ADAMTSL5: variants seen among roughly 807,000 people sequenced by gnomAD.
ADAMTSL5 encodes ADAMTS-like protein 5.
In ADAMTSL5, 53 loss-of-function variants were observed where a neutral mutation model predicts 51.7. The ratio of observed to expected loss-of-function variants is 1.03; its 90% confidence interval spans 0.82 to 1.29. The LOEUF is 1.29. Ranked by LOEUF, ADAMTSL5 falls within the 50% of genes most tolerant of loss-of-function variation. The pLI, the probability that ADAMTSL5 is intolerant of heterozygous loss-of-function variation, is 0.00. For synonymous variants in ADAMTSL5, 285 were observed against 278.7 expected, an observed-to-expected ratio of 1.02 and a Z score of -0.23; for missense variants, 770 against 676.2, an observed-to-expected ratio of 1.14 and a Z score of -1.54.
In ADAMTSL5 at chr19:1,506,807, C is replaced by G. The variant is rs777151542; in HGVS notation, c.974G>C (p.Arg325Pro). 4.5e-6 allele frequency: 7 copies of G among 1,541,222 alleles called. No homozygotes were observed. Among genetic ancestry groups the G allele is most frequent in the East Asian group, 4.9e-5 (2 of 41,042 alleles). The change falls in exon 10 of 12, where the codon CGG becomes CCG. Residue 325 changes from arginine to proline, a missense_variant. Physicochemically the swap from Arg to Pro is moderately radical, Grantham distance 103 (BLOSUM62 -2). Coordinates refer to ENST00000330475, the MANE Select transcript of ADAMTSL5 (RefSeq NM_213604.3). This position sits in a 1 kb window ranked among gnomAD's most constrained non-coding sequence, Gnocchi z 5.6. ...LGWPLRQPQP[R>P]GVEPQPPAAP... is the part of the protein sequence containing the mutation. ...TGCGGGGGGCTGAGGCTCCACCCCC[C>G]GGGGCTGAGGCTGCCTCAGGGGCCA...
At chr19:1,507,831 T>G (rs1253587839) in intron 7 of ADAMTSL5, among the ~76,000 whole-genome samples, 167 bp downstream of exon 7, 6 of 151,944 alleles carry the variant, frequency 3.9e-5, no homozygotes, top group Admixed American at 3.9e-4. Context: ...TAAAACCCCA[T>G]CTGTCCTGGG....
chr19:1,511,837 C>G, intron 1 of ADAMTSL5: 1 of 322,906 alleles, frequency 3.1e-6, no homozygotes, highest in Non-Finnish European at 6.3e-6. Flanking sequence ...AGCAGGGAGT[C>G]CCCCGGATTG....
At chr19:1,508,160 C>G (rs1427705942) in intron 6 of ADAMTSL5, 51 bp from the exon 7 acceptor site, 7 of 1,482,410 alleles carry the variant, frequency 4.7e-6, no homozygotes, top group Non-Finnish European at 6.1e-6. Flanking sequence ...AGGGGCAGGA[C>G]CTGGGGAAAG....
At position 1,506,558 on chromosome 19, in the gene ADAMTSL5, G is replaced by A. The variant is rs763274815; in HGVS notation, c.1114+32C>T. 15 of 1,603,286 alleles carry A rather than the reference G, an allele frequency of 9.4e-6. No individual in the cohort carries two copies. The Admixed American group carries it at 2.2e-4, about 24-fold the overall frequency. The stretch of plus-strand genomic sequence containing the variant: ...GTCAGGAGGAGGCCAGGTTAGTAGG[G>A]GCTAAGTCAGGGTAGAGGTCGGGGG... On this transcript the variant is annotated intron_variant, in intron 11 of 11. Transcript: ENST00000330475. The surrounding 1 kb of genome is among the most constrained non-coding windows in gnomAD (Gnocchi z 5.6).
intron 6 of ADAMTSL5, 163 bp from the exon 7 acceptor site, chr19:1,508,272 G>C (rs1436442927): frequency 1.7e-6 from 2 of 1,151,820 alleles, no homozygotes; most frequent in East Asian, 2.7e-5. Context: ...TGGCGCCCGG[G>C]AGTGGGTGCC....
rs1913024753 is a variant in ADAMTSL5 at position 1,507,739 on chromosome 19, G to A, written c.602-96C>T. 2.3e-6 allele frequency: 3 copies of A among 1,290,402 alleles called. No homozygotes were observed. The South Asian group carries it at 3.7e-5, about 16-fold the overall frequency. The allele number at this position is 1,290,402 out of a possible 1,614,324, so 79.9% of individuals were successfully genotyped here. Reference sequence around the variant, plus strand: ...TGAGCTACTGCGGGTAAGACAGCTAGCCAGGGTCCTGGGAACCGGAAAACC... The same window carrying A: ...TGAGCTACTGCGGGTAAGACAGCTAACCAGGGTCCTGGGAACCGGAAAACC... On this transcript the variant is annotated intron_variant, in intron 7 of 11. Coordinates refer to ENST00000330475, the MANE Select transcript of ADAMTSL5 (RefSeq NM_213604.3).
chr19:1,505,926 G>C lies in ADAMTSL5; in HGVS notation c.*89C>G. On this transcript the variant is annotated 3_prime_UTR_variant, in exon 12 of 12. Transcript: ENST00000330475. ...GTGGGACGTATTTCAGAGCTGCCTG[G>C]AAGCCAGGGTGAGAGGGGAAATACG... The C allele has an allele frequency of 2.1e-6, 3 of 1,418,528 alleles. No individual in the cohort carries two copies. Among genetic ancestry groups the C allele is most frequent in the Non-Finnish European group, 2.8e-6 (3 of 1,084,034 alleles). 87.9% of individuals were successfully genotyped at this position (1,418,528 alleles called of 1,614,324 possible).
Position 1,507,394 on chromosome 19 carries a change from C to A in ADAMTSL5, c.700G>T (p.Gly234Cys). The A allele has an allele frequency of 6.3e-7, 1 of 1,575,522 alleles. No individual in the cohort carries two copies. Among genetic ancestry groups the A allele is most frequent in the Non-Finnish European group, 8.6e-7 (1 of 1,159,910 alleles). ...CCATTAAGCACGTAGCGCCCATCGC[C>A]CCCCATCAGTGCTGCAAGGGAACAG... ...RSRNHLALMG[G>C]DGRYVLNGHW... Residue 234 changes from glycine (G) to cysteine (C), a missense_variant, in exon 9 of 12, where the codon GGC (glycine) becomes TGC (cysteine). Physicochemically the swap from Gly to Cys is radical, Grantham distance 159. Coordinates refer to ENST00000330475, the MANE Select transcript of ADAMTSL5 (RefSeq NM_213604.3).
At position 1,507,508 on chromosome 19, in the gene ADAMTSL5, C is replaced by G. The variant is rs371781712; in HGVS notation, c.688+49G>C. The stretch of plus-strand genomic sequence containing the variant: ...CTCCCCATCTGTAAACAGGGACAAC[C>G]GCCCCCGGGTGCCCAGCCGGGTGCC... On this transcript the variant is annotated intron_variant, in intron 8 of 11. Transcript: ENST00000330475. 21 of 1,612,274 alleles carry G rather than the reference C, an allele frequency of 1.3e-5. No homozygotes were observed. The East Asian group carries it at 3.3e-4, about 26-fold the overall frequency.
rs747842684 is a variant in ADAMTSL5, at chr19:1,510,139, A to C, written c.361+11T>G. The C allele has an allele frequency of 1.3e-5, 21 of 1,601,114 alleles. No homozygotes were observed. Among genetic ancestry groups the C allele is most frequent in the Non-Finnish European group, 1.7e-5 (20 of 1,172,656 alleles). The stretch of plus-strand genomic sequence containing the variant: ...GGACCAATTCTGACCACAGGAGACC[A>C]GACTACTCACCCCCATGGAAGGGCA... On this transcript the variant is annotated intron_variant, in intron 5 of 11. Transcript: ENST00000330475.
rs780047607 is a variant in ADAMTSL5 at position 1,507,613 on chromosome 19, A to C, written c.632T>G (p.Leu211Arg). The change falls in exon 8 of 12, where the codon CTG becomes CGG. Residue 211 changes from leucine (L) to arginine (R), a missense_variant. Leu to Arg is a moderately radical substitution (Grantham distance 102, BLOSUM62 -2). Transcript: ENST00000330475. ...GATGTGTCTGGCGCCCTCGGGGATC[A>C]GGGTCACGTTCCAGTACCCAGCGAA... ...GAFAGYWNVT[L>R]IPEGARHIRV... is the part of the protein sequence containing the mutation. The C allele has an allele frequency of 8.1e-6, 13 of 1,613,416 alleles. No individual in the cohort carries two copies. Among genetic ancestry groups the C allele is most frequent in the Non-Finnish European group, 1.1e-5 (13 of 1,180,016 alleles).
chr19:1,506,803 C>A lies in ADAMTSL5; in HGVS notation c.978G>T (p.Gly326=), dbSNP rs747344681. The A allele has an allele frequency of 6.5e-7, 1 of 1,539,132 alleles. No homozygotes were observed. Among genetic ancestry groups the A allele is most frequent in the East Asian group, 2.4e-5 (1 of 41,050 alleles). Residue 326 remains glycine, a synonymous_variant, in exon 10 of 12, where the codon GGG becomes GGT. Transcript: ENST00000330475. The surrounding 1 kb of genome is among the most constrained non-coding windows in gnomAD (Gnocchi z 5.6). The part of the protein sequence containing the change: ...GWPLRQPQPR[G]VEPQPPAAPA... Reference sequence around the variant, plus strand: ...GGGCTGCGGGGGGCTGAGGCTCCACCCCCCGGGGCTGAGGCTGCCTCAGGG... The same window carrying A: ...GGGCTGCGGGGGGCTGAGGCTCCACACCCCGGGGCTGAGGCTGCCTCAGGG...
intron 9 of ADAMTSL5, 81 bp from the exon 10 acceptor site, chr19:1,507,009 C>T: frequency 7.0e-7 from 1 of 1,429,428 alleles, no homozygotes; most frequent in Non-Finnish European, 9.4e-7. Context: ...CCCCAGCCTC[C>T]CCACTTTGAT....
chr19:1,511,792 G>A, intron 1 of ADAMTSL5: 1 of 340,098 alleles, frequency 2.9e-6, no homozygotes. Flanking sequence ...GCCCTCAGCT[G>A]CACCCCGGCC....
Position 1,507,413 on chromosome 19 carries a change from G to C in ADAMTSL5, c.689-8C>G. 6.3e-7 allele frequency: 1 copy of C among 1,581,544 alleles called. No homozygotes were observed. The highest frequency in any genetic ancestry group is 8.6e-7 in the Non-Finnish European group (1 of 1,162,456). ...CATCGCCCCCCATCAGTGCTGCAAG[G>C]GAACAGTCAGCCCTCAGGAACCTGT... On this transcript the variant is annotated splice_polypyrimidine_tract_variant and splice_region_variant and intron_variant, in intron 8 of 11. Coordinates refer to ENST00000330475, the MANE Select transcript of ADAMTSL5 (RefSeq NM_213604.3).
chr19:1,505,407 G>T lies in ADAMTSL5; in HGVS notation c.*608C>A, dbSNP rs987193683. The T allele has an allele frequency of 6.6e-6, 1 of 152,166 alleles. No individual in the cohort carries two copies. The highest frequency in any genetic ancestry group is 1.5e-5 in the Non-Finnish European group (1 of 68,092). 9.4% of individuals were successfully genotyped at this position (152,166 alleles called of 1,614,324 possible). A position where few individuals can be genotyped will look rare whatever the true frequency, so the allele number is the denominator to read the frequency against. ...AGGAGGAGCAAGCACGTGTTGATGG[G>T]TGGAAATCCAGCCAGAAATGCTGAG... On this transcript the variant is annotated 3_prime_UTR_variant, in exon 12 of 12. Transcript: ENST00000330475.
intron 1 of ADAMTSL5, 25 bp from the exon 2 acceptor site, chr19:1,511,185 A>T (rs45553333): frequency 0.12 from 33,734 of 291,186 alleles, 2,610 homozygotes; most frequent in East Asian, 0.32. Flanking sequence ...GTTGTTAGTT[A>T]GTTTGTTTTT....
Position 1,505,807 on chromosome 19 carries a change from C to G in ADAMTSL5, c.*208G>C, listed in dbSNP as rs908162811. The G allele has an allele frequency of 1.7e-6, 1 of 575,982 alleles. No individual in the cohort carries two copies. The highest frequency in any genetic ancestry group is 3.7e-5 in the Admixed American group (1 of 26,828). 35.7% of individuals were successfully genotyped at this position (575,982 alleles called of 1,614,324 possible). ...ATAAAAGTCAGAGTCTCCTTAGTGCCTCCTCACCAGTGCCTGCCGGCTTGT... is the reference window on the plus strand; with the variant it reads ...ATAAAAGTCAGAGTCTCCTTAGTGCGTCCTCACCAGTGCCTGCCGGCTTGT... On this transcript the variant is annotated 3_prime_UTR_variant, in exon 12 of 12. Coordinates refer to ENST00000330475, the MANE Select transcript of ADAMTSL5 (RefSeq NM_213604.3).
intron 1 of ADAMTSL5, chr19:1,511,731 C>T (rs553601782): frequency 1.3e-4 from 64 of 511,296 alleles, no homozygotes; most frequent in African/African-American, 3.0e-4. Context: ...TGACACCCTG[C>T]GGAAGGTGCG....
Sources: gnomAD v4.1 joint callset for allele counts (sites outside exome capture counted in the v4.1 genomes callset) on GRCh38, gnomAD v4.1.1 for gene constraint, Gnocchi (gnomAD v3.1) non-coding constraint, MANE v1.5 for transcripts, NCBI Gene and HGNC (gene_info 2026-07-23, HGNC 2026-07-21) for gene names.